SLX4: variants seen among roughly 807,000 people sequenced by gnomAD.
The protein encoded by SLX4 is SLX4 structure-specific endonuclease subunit.
Under a neutral mutation model 146.2 loss-of-function variants are expected in SLX4, and 112 were observed. That is an observed-to-expected ratio of 0.77 (90% confidence interval 0.66 to 0.90). The LOEUF is 0.90. SLX4 is among the 40% of genes least tolerant of loss of function. The probability of loss-of-function intolerance (pLI) is 0.00; values close to 1 mark genes in which losing one functional copy is unlikely to be tolerated. For synonymous variants in SLX4, 1,061 were observed against 997.7 expected (o/e 1.06, Z -1.20); for missense variants, 2,563 against 2,392.7 (o/e 1.07, Z -1.49).
chr16:3,598,135 A>G, intron 5 of SLX4, 136 bp from the exon 6 acceptor site: 1 of 942,230 alleles, frequency 1.1e-6, no homozygotes, highest in East Asian at 2.6e-5. Flanking sequence ...TGCGTCCCCC[A>G]CTTCCACTGC....
In SLX4 at chr16:3,594,397, C is replaced by G. The variant is rs990099858; in HGVS notation, c.2160+56G>C. 14 of 1,574,062 alleles carry G rather than the reference C, an allele frequency of 8.9e-6. No homozygotes were observed. In the African/African-American group the frequency reaches 1.8e-4, roughly 20 times the overall value. On this transcript the variant is annotated intron_variant, in intron 10 of 14. Transcript: ENST00000294008. ...ATGGGAAGACCTGGTTGGAGAAAGG[C>G]AGGAGGAGAGAGGGAGAGAGAGGAA...
rs7196345 is a variant in SLX4 at position 3,583,221 on chromosome 16, G to A, written c.5029C>T (p.Pro1677Ser). Residue 1677 changes from proline (P) to serine (S), a missense_variant, in exon 14 of 15, where the codon CCC becomes TCC. Physicochemically the swap from Pro to Ser is moderately conservative, Grantham distance 74 (BLOSUM62 -1). Transcript: ENST00000294008. ...TCCTTGGTGGGCGACCTGCTTGGGG[G>A]TGTGATGCTTTCATGATGCTTCCTT... ...HQRKHHESIT[P>S]PSRSPTKEAP... 7.4e-4 allele frequency: 1,197 copies of A among 1,614,196 alleles called. 7 individuals carry two copies. The African/African-American group carries it at 0.013, about 18-fold the overall frequency.
In SLX4 at chr16:3,606,492, C is replaced by T. The variant is rs148547201; in HGVS notation, c.742G>A (p.Glu248Lys). 4.0e-4 allele frequency: 640 copies of T among 1,614,230 alleles called. No homozygotes were observed. The highest frequency in any genetic ancestry group is 4.9e-4 in the Non-Finnish European group (575 of 1,180,034). ...ATCATACCATTCCCCGCCATCATCTCCTCTTGAGGATCCTTTGGGACATTT... is the reference window on the plus strand; with the variant it reads ...ATCATACCATTCCCCGCCATCATCTTCTCTTGAGGATCCTTTGGGACATTT... ...EENVPKDPQEEMMAGNVYGLG... is the reference protein window; with the variant it reads ...EENVPKDPQEKMMAGNVYGLG... The change falls in exon 3 of 15, where the codon GAG becomes AAG. Residue 248 changes from glutamate to lysine, a missense_variant. Physicochemically the swap from Glu to Lys is moderately conservative, Grantham distance 56 (BLOSUM62 1). Coordinates refer to ENST00000294008, the MANE Select transcript of SLX4 (RefSeq NM_032444.4).
At chr16:3,586,684 G>A (rs367583598) in intron 12 of SLX4, among the ~76,000 whole-genome samples, 3 of 152,072 alleles carry the variant, frequency 2.0e-5, no homozygotes, top group Non-Finnish European at 2.9e-5. Context: ...ATGGCATGGC[G>A]ATGGGCGCTT....
chr16:3,582,640 C>A lies in SLX4; in HGVS notation c.5207G>T (p.Gly1736Val), dbSNP rs2040453370. 1 of 1,613,376 alleles carries A rather than the reference C, an allele frequency of 6.2e-7. No individual in the cohort carries two copies. ...AAFESAGEEE[G>V]EGEVSASQAA... ...CTGCGAGGCACTGACCTCCCCCTCG[C>A]CCTCCTCTTCACCTGCAGACTCAAA... Residue 1736 changes from glycine to valine, a missense_variant, in exon 15 of 15, where the codon GGC becomes GTC. Physicochemically the swap from Gly to Val is moderately radical, Grantham distance 109 (BLOSUM62 -3). Coordinates refer to ENST00000294008, the MANE Select transcript of SLX4 (RefSeq NM_032444.4).
intron 3 of SLX4, among the ~76,000 whole-genome samples, chr16:3,605,334 G>A (rs532636048): frequency 1.3e-4 from 19 of 151,984 alleles, no homozygotes; most frequent in East Asian, 3.9e-4. Context: ...TGTGATCTGC[G>A]CACCTCGGCC....
In SLX4 at chr16:3,595,661, T is replaced by G. The variant is rs2040643790; in HGVS notation, c.1957A>C (p.Thr653Pro). 6.2e-7 allele frequency: 1 copy of G among 1,613,900 alleles called. No individual in the cohort carries two copies. Among genetic ancestry groups the G allele is most frequent in the Middle Eastern group, 1.6e-4 (1 of 6,062 alleles). The stretch of plus-strand genomic sequence containing the variant: ...TCCTGCGATGGCACCACAAACCCAG[T>G]CAGAGGAAGGCCGCCGGGCACCACG... ...LDVVPGGLPL[T>P]GFVVPSQDKH... The change falls in exon 9 of 15, where the codon ACT (threonine) becomes CCT (proline). Residue 653 changes from threonine (T) to proline (P), a missense_variant. Coordinates refer to ENST00000294008, the MANE Select transcript of SLX4 (RefSeq NM_032444.4).
In SLX4 at chr16:3,590,694, C is replaced by A. The variant is rs753733757; in HGVS notation, c.2944G>T (p.Asp982Tyr). Residue 982 changes from aspartate to tyrosine, a missense_variant, in exon 12 of 15, where the codon GAT (aspartate) becomes TAT (tyrosine). Transcript: ENST00000294008. The surrounding 1 kb of genome is among the most constrained non-coding windows in gnomAD (Gnocchi z 4.8). ...GTTGATGAGAAGAGCTGTTCGTAAT[C>A]CCCGGCATCATCTGAGTGCGGAAGA... ...GSLPHSDDAG[D>Y]YEQLFSSTQG... 2.1e-5 allele frequency: 34 copies of A among 1,614,198 alleles called. No individual in the cohort carries two copies. The highest frequency in any genetic ancestry group is 2.9e-5 in the Non-Finnish European group (34 of 1,180,046).
chr16:3,590,031 G>T lies in SLX4; in HGVS notation c.3607C>A (p.Pro1203Thr), dbSNP rs745508761. 6.2e-7 allele frequency: 1 copy of T among 1,614,078 alleles called. No individual in the cohort carries two copies. Residue 1203 changes from proline (P) to threonine (T), a missense_variant, in exon 12 of 15, where the codon CCT becomes ACT. Physicochemically the swap from Pro to Thr is conservative, Grantham distance 38. Transcript: ENST00000294008. This position sits in a 1 kb window ranked among gnomAD's most constrained non-coding sequence, Gnocchi z 4.8. ...TCGCTTCTTGGTGGGCTCTGGGAAG[G>T]TTCCTGATCTGCATCAACATCAATG... ...SIIDVDADQE[P>T]SQSPPRSEAV...
intron 1 of SLX4, among the ~76,000 whole-genome samples, chr16:3,610,003 G>C (rs1440670815): frequency 6.6e-6 from 1 of 152,212 alleles, no homozygotes; most frequent in Non-Finnish European, 1.5e-5. Flanking sequence ...ACACTCAGGA[G>C]AGAAAAGGTC....
rs762172434 is a variant in SLX4 at position 3,583,274 on chromosome 16, G to T, written c.4976C>A (p.Pro1659His). The change falls in exon 14 of 15, where the codon CCT (proline) becomes CAT (histidine). Residue 1659 changes from proline to histidine, a missense_variant. Coordinates refer to ENST00000294008, the MANE Select transcript of SLX4 (RefSeq NM_032444.4). ...ATGTCGGGGGCCCTTGGTCTTAGCA[G>T]GTCCCTTGGGCCTATGGGCCCCAGG... Reference protein sequence around the residue: ...TGPGAHRPKGPAKTKGPRHQR... With the variant: ...TGPGAHRPKGHAKTKGPRHQR... The T allele has an allele frequency of 1.2e-6, 2 of 1,614,202 alleles. No individual in the cohort carries two copies. Among genetic ancestry groups the T allele is most frequent in the South Asian group, 1.1e-5 (1 of 91,084 alleles).
In SLX4 at chr16:3,589,505, G is replaced by A. The variant is rs371580654; in HGVS notation, c.4133C>T (p.Pro1378Leu). The A allele has an allele frequency of 2.2e-5, 36 of 1,609,634 alleles. No homozygotes were observed. Among genetic ancestry groups the A allele is most frequent in the Non-Finnish European group, 2.7e-5 (32 of 1,177,040 alleles). ...CTGGTTCAGGAAGCTTGGCCCAGGC[G>A]GCGAGTGTTTCAGGAACCGCCTGCT... is the stretch of plus-strand genomic sequence containing the variant. ...HFSRRFLKHS[P>L]PGPSFLNQTP... Residue 1378 changes from proline (P) to leucine (L), a missense_variant, in exon 12 of 15, where the codon CCG becomes CTG. Transcript: ENST00000294008. This position sits in a 1 kb window ranked among gnomAD's most constrained non-coding sequence, Gnocchi z 6.2.
intron 7 of SLX4, 69 bp from the exon 8 acceptor site, chr16:3,596,462 C>T (rs2040660991): frequency 1.3e-6 from 2 of 1,506,616 alleles, no homozygotes; most frequent in African/African-American, 2.7e-5. Flanking sequence ...CAGAAGCCAT[C>T]ACATGTGGTA....
At chr16:3,595,502 C>T (rs2040641056) in intron 9 of SLX4, 103 bp downstream of exon 9, 8 of 1,294,256 alleles carry the variant, frequency 6.2e-6, no homozygotes, top group East Asian at 2.3e-5. Flanking sequence ...GAGGCCACTG[C>T]ACTTGCGTTG....
rs577581704 is a variant in SLX4 at position 3,604,835 on chromosome 16, T to C, written c.760+1639A>G. Among the ~76,000 whole-genome samples, 11 of 139,080 alleles carry C rather than the reference T, an allele frequency of 7.9e-5. No individual in the cohort carries two copies. The South Asian group carries it at 2.5e-3, about 32-fold the overall frequency. 91.2% of individuals were successfully genotyped at this position (139,080 alleles called of 152,430 possible). ...ACTCCATCTCAAAAAAAAAAAAAAA[T>C]GTATATTTATAAAGACATAAACAAA... On this transcript the variant is annotated intron_variant, in intron 3 of 14. Coordinates refer to ENST00000294008, the MANE Select transcript of SLX4 (RefSeq NM_032444.4).
At position 3,589,374 on chromosome 16, in the gene SLX4, G is replaced by C. The variant is rs759566186; in HGVS notation, c.4264C>G (p.Pro1422Ala). ...ATGTGCCAGCAGCAGTCGTCAATTG[G>C]AATTGGGGGGTCACTGTCCAGTGGG... The part of the protein sequence containing the change: ...SPPLDSDPPI[P>A]IDDCCWHMEP... Residue 1422 changes from proline to alanine, a missense_variant, in exon 12 of 15, where the codon CCA becomes GCA. Pro to Ala is a conservative substitution (Grantham distance 27). Transcript: ENST00000294008. This position sits in a 1 kb window ranked among gnomAD's most constrained non-coding sequence, Gnocchi z 6.2. 32 of 1,591,056 alleles carry C rather than the reference G, an allele frequency of 2.0e-5. No individual in the cohort carries two copies. The highest frequency in any genetic ancestry group is 2.6e-5 in the Non-Finnish European group (30 of 1,165,708).
Position 3,609,042 on chromosome 16 carries a change from T to G in SLX4, c.-78A>C, listed in dbSNP as rs1251623740. Reference sequence around the variant, plus strand: ...ACAAAAAGTACTGTTTTCCTCTCTATAATGATTGAAGTATCTTTGTTCAAA... The same window carrying G: ...ACAAAAAGTACTGTTTTCCTCTCTAGAATGATTGAAGTATCTTTGTTCAAA... On this transcript the variant is annotated 5_prime_UTR_variant, in exon 2 of 15. Coordinates refer to ENST00000294008, the MANE Select transcript of SLX4 (RefSeq NM_032444.4). 2.0e-6 allele frequency: 3 copies of G among 1,498,002 alleles called. No homozygotes were observed. The African/African-American group carries it at 4.1e-5, about 21-fold the overall frequency. The allele number at this position is 1,498,002 out of a possible 1,614,324, so 92.8% of individuals were successfully genotyped here.
chr16:3,586,170 T>C (rs2040506293), intron 12 of SLX4, among the ~76,000 whole-genome samples: 1 of 152,132 alleles, frequency 6.6e-6, no homozygotes, highest in Non-Finnish European at 1.5e-5. Context: ...AAGGAAAACA[T>C]GTCTACACGA....
At chr16:3,606,280 A>G (rs1444205738) in intron 3 of SLX4, among the ~76,000 whole-genome samples, 194 bp downstream of exon 3, 2 of 152,124 alleles carry the variant, frequency 1.3e-5, no homozygotes, top group Non-Finnish European at 2.9e-5. Flanking sequence ...TACCTTATCA[A>G]GGAAGCTAGG....
Sources: allele counts gnomAD v4.1 joint callset (sites outside exome capture counted in the v4.1 genomes callset), GRCh38; gene constraint gnomAD v4.1.1; non-coding constraint Gnocchi (gnomAD v3.1); transcripts MANE v1.5; gene names NCBI Gene and HGNC (gene_info 2026-07-23, HGNC 2026-07-21).